The following KIAA1217 variants were observed in gnomAD, a reference collection of about 807,000 sequenced individuals.
KIAA1217 encodes sickle tail protein homolog.
A neutral mutation model predicts 163.9 loss-of-function variants in KIAA1217; 88 were observed. That is an observed-to-expected ratio of 0.54 (90% CI 0.45 to 0.64). The LOEUF is 0.64. KIAA1217 is among the 30% of genes least tolerant of loss of function. The pLI, the probability that KIAA1217 is intolerant of heterozygous loss-of-function variation, is 0.00. For synonymous variants in KIAA1217, 903 were observed against 923.1 expected (o/e 0.98, Z 0.39); for missense variants, 2,372 against 2,475.0 (o/e 0.96, Z 0.88).
intron 2 of KIAA1217, among the ~76,000 whole-genome samples, chr10:24,304,838 T>C (rs978307662): frequency 2.6e-5 from 4 of 152,150 alleles, no homozygotes; most frequent in African/African-American, 7.2e-5. Context: ...GGTGGCTGCA[T>C]AGGACCTGGG....
rs117671678 is a variant in KIAA1217 at position 23,745,117 on chromosome 10, C to T, written c.-321+49883C>T. Among the ~76,000 whole-genome samples, 73 of 152,292 alleles carry T rather than the reference C, an allele frequency of 4.8e-4. 1 individual carries two copies. The East Asian group carries it at 8.5e-3, about 18-fold the overall frequency. On this transcript the variant is annotated intron_variant, in intron 1 of 18. Transcript: ENST00000376462. The stretch of plus-strand genomic sequence containing the variant: ...AACCATCACAGCCTCCAAAGACTGA[C>T]GCAGGAGGGGATGCCCCTTTAGAGC...
intron 2 of KIAA1217, among the ~76,000 whole-genome samples, chr10:24,132,492 AGATGAAT>A (rs2063690581): frequency 2.0e-5 from 3 of 152,256 alleles, no homozygotes; most frequent in Admixed American, 2.0e-4. Flanking sequence ...GAGGAATATA[AGATGAAT>A]CGGACATTGT....
chr10:24,048,137 G>T (rs1317115458), intron 2 of KIAA1217, among the ~76,000 whole-genome samples: 2 of 152,104 alleles, frequency 1.3e-5, no homozygotes, highest in South Asian at 2.1e-4. Context: ...CAGAGCACTG[G>T]CAACTTATGC....
chr10:24,526,262 C>T (rs1458006334), intron 13 of KIAA1217, among the ~76,000 whole-genome samples: 3 of 152,106 alleles, frequency 2.0e-5, no homozygotes, highest in Non-Finnish European at 4.4e-5. Flanking sequence ...GGCCTCTGAA[C>T]ACTAGGTGGT....
intron 1 of KIAA1217, among the ~76,000 whole-genome samples, chr10:23,871,119 A>G (rs1246679216): frequency 1.3e-5 from 2 of 151,642 alleles, no homozygotes; most frequent in South Asian, 2.1e-4. Flanking sequence ...AAACACTCCC[A>G]GAGTTGTTTT....
intron 1 of KIAA1217, among the ~76,000 whole-genome samples, chr10:23,696,643 A>C (rs549222569): frequency 7.2e-5 from 11 of 152,194 alleles, no homozygotes; most frequent in Non-Finnish European, 8.8e-5. Context: ...GGGAGCTTAC[A>C]GTCTGTGCTA....
chr10:24,545,711 G>A, intron 20 of KIAA1217, 116 bp from the exon 21 acceptor site: 2 of 1,502,456 alleles, frequency 1.3e-6, no homozygotes, highest in Non-Finnish European at 1.8e-6. Context: ...CTTGAACTGT[G>A]TTTGGTTGGT....
intron 20 of KIAA1217, 92 bp from the exon 21 acceptor site, chr10:24,545,735 A>C: frequency 6.6e-7 from 1 of 1,519,972 alleles, no homozygotes; most frequent in South Asian, 1.3e-5. Flanking sequence ...CTTTGATTGA[A>C]TTATTCTCAG....
Position 24,314,901 on chromosome 10 carries a change from G to A in KIAA1217, c.355-65968G>A, listed in dbSNP as rs375307656. 2.9e-4 allele frequency among the ~76,000 whole-genome samples: 44 copies of A among 152,098 alleles called. No individual in the cohort carries two copies. In the East Asian group the frequency reaches 5.0e-3, roughly 17 times the overall value. ...AGAGCTTGCAGTGAACTGAGATAGC[G>A]CCGCTGCACTCCAGCCTGGGCGACA... is the stretch of plus-strand genomic sequence containing the variant. On this transcript the variant is annotated intron_variant, in intron 2 of 20. Coordinates refer to ENST00000376454, the MANE Select transcript of KIAA1217 (RefSeq NM_019590.5).
chr10:24,044,649 T>C (rs1030426833), intron 2 of KIAA1217, among the ~76,000 whole-genome samples: 1 of 152,090 alleles, frequency 6.6e-6, no homozygotes, highest in African/African-American at 2.4e-5. Context: ...ATATTGATAA[T>C]AGTTATGCTT....
At chr10:23,733,838 G>T (rs1312265031) in intron 1 of KIAA1217, among the ~76,000 whole-genome samples, 2 of 152,038 alleles carry the variant, frequency 1.3e-5, no homozygotes, top group Admixed American at 1.3e-4. Flanking sequence ...ATCATTTTTG[G>T]TTGTTAGAAA....
chr10:23,726,979 C>CTTTTTTTTTTTTTTTTTT lies in KIAA1217; in HGVS notation c.-321+31754_-321+31771dup, dbSNP rs1012125050. Among the ~76,000 whole-genome samples, 12 of 93,416 alleles carry CTTTTTTTTTTTTTTTTTT rather than the reference C, an allele frequency of 1.3e-4. 2 individuals carry two copies. The highest frequency in any genetic ancestry group is 5.8e-4 in the African/African-American group (12 of 20,686). The allele number at this position is 93,416 out of a possible 152,430, so 61.3% of individuals were successfully genotyped here. ...ATTTCCATGCCATTTGTATAGGCCT[C>CTTTTTTTTTTTTTTTTTT]TTTTTTTTTTTTTTTTTTTTTTTTT... On this transcript the variant is annotated intron_variant, in intron 1 of 18. Transcript: ENST00000376462.
intron 1 of KIAA1217, among the ~76,000 whole-genome samples, chr10:23,916,423 G>T (rs1202622997): frequency 2.0e-5 from 3 of 152,126 alleles, no homozygotes; most frequent in African/African-American, 7.2e-5. Context: ...CCCACCTCAG[G>T]CAATGTGTCT....
chr10:24,307,054 C>T (rs10828624), intron 2 of KIAA1217, among the ~76,000 whole-genome samples: 31,464 of 152,206 alleles, frequency 0.21, 5,175 homozygotes, highest in African/African-American at 0.43. Flanking sequence ...GCAGCTTTCA[C>T]GTCAGTATTT....
intron 1 of KIAA1217, among the ~76,000 whole-genome samples, chr10:23,733,806 G>T (rs1157130206): frequency 6.6e-6 from 1 of 152,010 alleles, no homozygotes; most frequent in Admixed American, 6.6e-5. Flanking sequence ...GTGTTAATTT[G>T]CAGTAACTTA....
intron 1 of KIAA1217, among the ~76,000 whole-genome samples, chr10:23,787,520 A>G (rs992564222): frequency 3.9e-5 from 6 of 152,118 alleles, no homozygotes; most frequent in Non-Finnish European, 4.4e-5. Flanking sequence ...AAAATAGACC[A>G]TTAAGGTAGA....
intron 1 of KIAA1217, among the ~76,000 whole-genome samples, chr10:23,969,986 T>A (rs144450239): frequency 6.6e-6 from 1 of 152,004 alleles, no homozygotes; most frequent in Non-Finnish European, 1.5e-5. Flanking sequence ...TATAAAACCA[T>A]CAGCTCTTGT....
intron 1 of KIAA1217, among the ~76,000 whole-genome samples, chr10:23,762,446 G>C (rs1413078864): frequency 6.6e-6 from 1 of 152,156 alleles, no homozygotes; most frequent in Non-Finnish European, 1.5e-5. Flanking sequence ...TCCCTGGGTT[G>C]CAAAGCTGGT....
At chr10:23,897,043 G>T (rs1488157709) in intron 1 of KIAA1217, among the ~76,000 whole-genome samples, 1 of 152,012 alleles carries the variant, frequency 6.6e-6, no homozygotes, top group Admixed American at 6.6e-5. Context: ...CTTTTTGGAA[G>T]CAAGTGATAA....
Sources: allele counts gnomAD v4.1 joint callset (sites outside exome capture counted in the v4.1 genomes callset), GRCh38; gene constraint gnomAD v4.1.1; transcripts MANE v1.5; gene names NCBI Gene and HGNC (gene_info 2026-07-23, HGNC 2026-07-21).